The following RBFOX1 variants were observed in gnomAD, a reference collection of about 807,000 sequenced individuals.
RBFOX1 encodes RNA binding fox-1 homolog 1.
RBFOX1 carries 8 observed loss-of-function variants against 57.7 expected under a neutral mutation model. The observed-to-expected ratio is 0.14, with a 90% CI of 0.08 to 0.25. The LOEUF (loss-of-function observed/expected upper bound fraction) is 0.25. Ranked by LOEUF, RBFOX1 falls within the 10% of genes least tolerant of loss-of-function variation. The pLI is 1.00. For missense variants in RBFOX1, 611 were observed against 548.5 expected (o/e 1.11, Z -1.14); for synonymous variants, 326 against 222.4 (o/e 1.47, Z -4.15).
chr16:6,813,246 C>T (rs1001635992), intron 3 of RBFOX1, among the ~76,000 whole-genome samples: 14 of 152,142 alleles, frequency 9.2e-5, no homozygotes, highest in Non-Finnish European at 1.9e-4. Flanking sequence ...TCCGGTTCCC[C>T]AGATAGTATT....
chr16:5,653,865 CA>C (rs1448951143), intron 3 of RBFOX1, among the ~76,000 whole-genome samples: 1 of 152,172 alleles, frequency 6.6e-6, no homozygotes, highest in Non-Finnish European at 1.5e-5. Flanking sequence ...CAGCCAAGAC[CA>C]GTGGGCAGGA....
intron 1 of RBFOX1, among the ~76,000 whole-genome samples, chr16:6,131,078 A>G (rs2096626432): frequency 6.6e-6 from 1 of 152,192 alleles, no homozygotes; most frequent in Non-Finnish European, 1.5e-5. Context: ...TTCCATTTAT[A>G]TGATGCTCAA....
intron 3 of RBFOX1, among the ~76,000 whole-genome samples, chr16:6,875,631 T>C (rs903754230): frequency 6.6e-6 from 1 of 152,210 alleles, no homozygotes; most frequent in African/African-American, 2.4e-5. Flanking sequence ...TTGATCCACA[T>C]CTGGATAAAA....
intron 1 of RBFOX1, among the ~76,000 whole-genome samples, chr16:6,185,299 T>C (rs1386494956): frequency 6.6e-6 from 1 of 152,250 alleles, no homozygotes; most frequent in Non-Finnish European, 1.5e-5. Context: ...TTTGCTATAA[T>C]TTCTTTTCCT....
intron 4 of RBFOX1, among the ~76,000 whole-genome samples, chr16:7,276,606 C>T (rs574717479): frequency 6.6e-6 from 1 of 152,030 alleles, no homozygotes; most frequent in East Asian, 1.9e-4. Context: ...TCATTTTATG[C>T]CTCTGGAAGA....
intron 4 of RBFOX1, among the ~76,000 whole-genome samples, chr16:5,960,209 GAAAGA>G (rs752844282): frequency 1.9e-4 from 29 of 151,876 alleles, no homozygotes; most frequent in Middle Eastern, 6.8e-3. Flanking sequence ...TCAAGAAGAA[GAAAGA>G]AAGAAAAAAA....
intron 4 of RBFOX1, among the ~76,000 whole-genome samples, chr16:7,183,963 T>C (rs2083228901): frequency 6.6e-6 from 1 of 152,156 alleles, no homozygotes; most frequent in Admixed American, 6.6e-5. Context: ...ACTGCAATGA[T>C]GACGTCATTA....
chr16:6,028,645 C>T (rs1346396113), intron 1 of RBFOX1, among the ~76,000 whole-genome samples: 2 of 151,896 alleles, frequency 1.3e-5, no homozygotes, highest in African/African-American at 2.4e-5. Context: ...TGTGCCACTG[C>T]ACTCCATCCT....
intron 1 of RBFOX1, among the ~76,000 whole-genome samples, chr16:5,430,614 G>C (rs1290578725): frequency 1.3e-5 from 2 of 152,084 alleles, no homozygotes; most frequent in East Asian, 3.9e-4. Flanking sequence ...CAGAGTATCA[G>C]TTAGGTTGAC....
chr16:5,843,120 C>T (rs1458021340), intron 3 of RBFOX1, among the ~76,000 whole-genome samples: 7 of 152,186 alleles, frequency 4.6e-5, no homozygotes, highest in Admixed American at 4.6e-4. Flanking sequence ...AGCCACCACG[C>T]CAGGCCTATT....
chr16:7,203,725 C>G (rs530018534), intron 4 of RBFOX1, among the ~76,000 whole-genome samples: 6 of 151,864 alleles, frequency 4.0e-5, no homozygotes, highest in African/African-American at 1.5e-4. Flanking sequence ...TTCTCTGTTT[C>G]CCTTTGCAAA....
chr16:7,290,080 C>CTACG (rs2095737369), intron 4 of RBFOX1, among the ~76,000 whole-genome samples: 1 of 152,114 alleles, frequency 6.6e-6, no homozygotes, highest in Non-Finnish European at 1.5e-5. Context: ...TCTCAGATAC[C>CTACG]TACGTACATT....
At chr16:7,576,015 C>T (rs756789241) in intron 5 of RBFOX1, among the ~76,000 whole-genome samples, 9 of 152,092 alleles carry the variant, frequency 5.9e-5, no homozygotes, top group African/African-American at 1.2e-4. Flanking sequence ...CTCACTGCAG[C>T]CTTGATCTCC....
chr16:7,501,598 C>A (rs1403878886), intron 4 of RBFOX1, among the ~76,000 whole-genome samples: 1 of 152,172 alleles, frequency 6.6e-6, no homozygotes, highest in Non-Finnish European at 1.5e-5. Flanking sequence ...GTCCTCATTG[C>A]TTTGTTCTAC....
At chr16:5,556,246 G>A (rs577971314) in intron 2 of RBFOX1, among the ~76,000 whole-genome samples, 2 of 152,282 alleles carry the variant, frequency 1.3e-5, no homozygotes, top group South Asian at 4.1e-4. Context: ...TTTGCTTTAA[G>A]GCTAATTCCA....
chr16:5,341,070 G>T (rs1391163083), intron 1 of RBFOX1, among the ~76,000 whole-genome samples: 1 of 152,190 alleles, frequency 6.6e-6, no homozygotes, highest in Non-Finnish European at 1.5e-5. Context: ...AGACTAGCCA[G>T]TGCAGCAGCC....
chr16:5,933,686 A>T (rs1435245673), intron 4 of RBFOX1, among the ~76,000 whole-genome samples: 1 of 152,152 alleles, frequency 6.6e-6, no homozygotes, highest in East Asian at 1.9e-4. Context: ...TTCTTTCCAA[A>T]GCCCTGAAAT....
At chr16:6,855,425 G>A (rs999053614) in intron 3 of RBFOX1, among the ~76,000 whole-genome samples, 5 of 152,050 alleles carry the variant, frequency 3.3e-5, no homozygotes, top group African/African-American at 1.2e-4. Flanking sequence ...GGTGAGGCGG[G>A]CGGATCATGA....
chr16:6,605,736 C>T (rs1004377947), intron 2 of RBFOX1, among the ~76,000 whole-genome samples: 9 of 152,222 alleles, frequency 5.9e-5, no homozygotes, highest in African/African-American at 1.4e-4. Flanking sequence ...AGATTCAGTC[C>T]GTGTGTTCGT....
Sources: allele counts gnomAD v4.1 joint callset (sites outside exome capture counted in the v4.1 genomes callset), GRCh38; gene constraint gnomAD v4.1.1; transcripts MANE v1.5; gene names NCBI Gene and HGNC (gene_info 2026-07-23, HGNC 2026-07-21).